NKAIN1: variants seen among roughly 807,000 people sequenced by gnomAD.
NKAIN1 encodes the protein sodium/potassium-transporting ATPase subunit beta-1-interacting protein 1.
In NKAIN1, 13 loss-of-function variants were observed where a neutral mutation model predicts 31.6. The observed-to-expected ratio is 0.41, with a 90% CI of 0.27 to 0.65. The LOEUF is 0.65. NKAIN1 is among the 30% of genes least tolerant of loss of function. NKAIN1 has a pLI of 0.30. For missense variants in NKAIN1, 193 were observed against 262.2 expected, an observed-to-expected ratio of 0.74 and a Z score of 1.82; for synonymous variants, 104 against 109.0, an observed-to-expected ratio of 0.95 and a Z score of 0.28.
intron 1 of NKAIN1, among the ~76,000 whole-genome samples, chr1:31,204,970 C>T (rs1379473918): frequency 6.6e-6 from 1 of 152,192 alleles, no homozygotes; most frequent in Middle Eastern, 3.2e-3. Context: ...AGTCTCAGCT[C>T]TCACAAGTTG....
chr1:31,189,128 C>T (rs1257620363), intron 1 of NKAIN1, among the ~76,000 whole-genome samples: 1 of 152,020 alleles, frequency 6.6e-6, no homozygotes, highest in Non-Finnish European at 1.5e-5. Context: ...GGATGAGAAG[C>T]CACGGGGAGG....
At chr1:31,224,103 G>A (rs1034476938) in intron 1 of NKAIN1, among the ~76,000 whole-genome samples, 2 of 152,168 alleles carry the variant, frequency 1.3e-5, no homozygotes, top group Non-Finnish European at 2.9e-5. Flanking sequence ...CAGTGTCCAG[G>A]ACTCTGGGGA....
chr1:31,210,598 T>G (rs960102101), intron 1 of NKAIN1, among the ~76,000 whole-genome samples: 2 of 152,208 alleles, frequency 1.3e-5, no homozygotes, highest in Non-Finnish European at 2.9e-5. Context: ...TTGCCATTAC[T>G]TTCAATGGCA....
intron 1 of NKAIN1, among the ~76,000 whole-genome samples, chr1:31,232,818 T>C (rs1444396132): frequency 1.3e-5 from 2 of 152,114 alleles, no homozygotes; most frequent in African/African-American, 4.8e-5. Flanking sequence ...CCCTTTCCCC[T>C]TGATGACTAC....
At position 31,188,084 on chromosome 1, in the gene NKAIN1, C is replaced by A; in HGVS notation, c.158G>T (p.Gly53Val). 6.4e-7 allele frequency: 1 copy of A among 1,553,632 alleles called. No homozygotes were observed. The highest frequency in any genetic ancestry group is 8.7e-7 in the Non-Finnish European group (1 of 1,148,168). ...HIMAVILGIF[G>V]TVQYRSRYLI... ...GTACCGGGAGCGGTACTGCACGGTG[C>A]CAAAGATGCCCAGGATGACTGCCAT... The change falls in exon 2 of 7, where the codon GGC (glycine) becomes GTC (valine). Residue 53 changes from glycine (G) to valine (V), a missense_variant. Physicochemically the swap from Gly to Val is moderately radical, Grantham distance 109. Coordinates refer to ENST00000373736, the MANE Select transcript of NKAIN1 (RefSeq NM_024522.3).
chr1:31,234,222 C>T (rs562596985), intron 1 of NKAIN1, among the ~76,000 whole-genome samples: 16 of 152,192 alleles, frequency 1.1e-4, no homozygotes, highest in East Asian at 3.9e-4. Flanking sequence ...CATAATTTCA[C>T]GCTCCTGACT....
Position 31,200,738 on chromosome 1 carries a change from C to T in NKAIN1, c.55-12551G>A, listed in dbSNP as rs553300381. ...TTGGCCTCTCAAGGTGTTGGGATTACAGGTGTGAGCCACTGTGCCCGGCCA... is the reference window on the plus strand; with the variant it reads ...TTGGCCTCTCAAGGTGTTGGGATTATAGGTGTGAGCCACTGTGCCCGGCCA... On this transcript the variant is annotated intron_variant, in intron 1 of 6. Coordinates refer to ENST00000373736, the MANE Select transcript of NKAIN1 (RefSeq NM_024522.3). 3.3e-5 allele frequency among the ~76,000 whole-genome samples: 5 copies of T among 152,256 alleles called. No individual in the cohort carries two copies. In the South Asian group the frequency reaches 6.2e-4, roughly 19 times the overall value.
intron 1 of NKAIN1, among the ~76,000 whole-genome samples, chr1:31,214,595 G>T (rs1055012047): frequency 6.6e-6 from 1 of 152,202 alleles, no homozygotes; most frequent in African/African-American, 2.4e-5. Context: ...GTGCACACCT[G>T]TGCAGCACAA....
chr1:31,220,479 G>A (rs1017146583), intron 1 of NKAIN1, among the ~76,000 whole-genome samples: 1 of 152,018 alleles, frequency 6.6e-6, no homozygotes, highest in Non-Finnish European at 1.5e-5. Flanking sequence ...CAGTGGCCGG[G>A]CACGGTGGCT....
chr1:31,238,705 C>A (rs914902263), intron 1 of NKAIN1, among the ~76,000 whole-genome samples: 3 of 152,124 alleles, frequency 2.0e-5, no homozygotes, highest in African/African-American at 7.2e-5. Context: ...TTGCTGGCCC[C>A]GGCAGAGGAG....
chr1:31,228,555 TG>T (rs1430577938), intron 1 of NKAIN1, among the ~76,000 whole-genome samples: 1 of 152,178 alleles, frequency 6.6e-6, no homozygotes, highest in Non-Finnish European at 1.5e-5. Context: ...CCAAGGGATC[TG>T]GGTCATCACT....
chr1:31,226,138 G>C (rs1645602094), intron 1 of NKAIN1, among the ~76,000 whole-genome samples: 1 of 152,226 alleles, frequency 6.6e-6, no homozygotes, highest in African/African-American at 2.4e-5. Flanking sequence ...CAAGGAACAG[G>C]CTGTCGCCTT....
At chr1:31,190,872 C>G (rs1253533744) in intron 1 of NKAIN1, among the ~76,000 whole-genome samples, 1 of 152,160 alleles carries the variant, frequency 6.6e-6, no homozygotes, top group African/African-American at 2.4e-5. Flanking sequence ...TTCTGGGGTC[C>G]AGCTTGATGT....
Position 31,185,703 on chromosome 1 carries a change from G to C in NKAIN1, c.193-376C>G, listed in dbSNP as rs372897434. On this transcript the variant is annotated intron_variant, in intron 2 of 6. Transcript: ENST00000373736. ...TAGAATACTGGAATCATTCAAGGAT[G>C]TTTGTCAAAAATGCAGATTCTTGGG... 2.0e-5 allele frequency among the ~76,000 whole-genome samples: 3 copies of C among 152,168 alleles called. No homozygotes were observed. The East Asian group carries it at 5.8e-4, about 29-fold the overall frequency.
rs58351687 is a variant in NKAIN1, at chr1:31,194,228, A to G, written c.55-6041T>C. Among the ~76,000 whole-genome samples, 798 of 152,192 alleles carry G rather than the reference A, an allele frequency of 5.2e-3. 9 individuals carry two copies. The highest frequency in any genetic ancestry group is 0.018 in the African/African-American group (760 of 41,520). Reference sequence around the variant, plus strand: ...TAATCCCAGAGTGACAGATGAGAACATGTCACCCAGGCCTCACATCTCTGT... The same window carrying G: ...TAATCCCAGAGTGACAGATGAGAACGTGTCACCCAGGCCTCACATCTCTGT... On this transcript the variant is annotated intron_variant, in intron 1 of 6. Transcript: ENST00000373736.
rs1645185557 is a variant in NKAIN1 at position 31,180,062 on chromosome 1, C to G, written c.*1641G>C. The G allele has an allele frequency of 6.6e-6, 1 of 152,514 alleles. No homozygotes were observed. The highest frequency in any genetic ancestry group is 1.9e-4 in the East Asian group (1 of 5,190). 9.4% of individuals were successfully genotyped at this position (152,514 alleles called of 1,614,324 possible). A position where few individuals can be genotyped will look rare whatever the true frequency, so the allele number is the denominator to read the frequency against. On this transcript the variant is annotated 3_prime_UTR_variant, in exon 7 of 7. Coordinates refer to ENST00000373736, the MANE Select transcript of NKAIN1 (RefSeq NM_024522.3). Reference sequence around the variant, plus strand: ...ATGCCTGTGGGGGCCAGAGGAACTCCTGGGCCTGGCTGCTTGCATTTGGGA... The same window carrying G: ...ATGCCTGTGGGGGCCAGAGGAACTCGTGGGCCTGGCTGCTTGCATTTGGGA...
chr1:31,187,444 C>T (rs1645252122), intron 2 of NKAIN1, among the ~76,000 whole-genome samples: 1 of 152,070 alleles, frequency 6.6e-6, no homozygotes, highest in African/African-American at 2.4e-5. Flanking sequence ...GACCTCAAAG[C>T]CACACTAGCT....
At chr1:31,204,392 G>T (rs190407277) in intron 1 of NKAIN1, among the ~76,000 whole-genome samples, 117 of 152,210 alleles carry the variant, frequency 7.7e-4, no homozygotes, top group African/African-American at 2.6e-3. Context: ...CCATGCCTGA[G>T]GTCCCACTCT....
chr1:31,217,446 G>A (rs762963560), intron 1 of NKAIN1, among the ~76,000 whole-genome samples: 3 of 152,288 alleles, frequency 2.0e-5, no homozygotes, highest in Non-Finnish European at 4.4e-5. Flanking sequence ...GATTACTGGT[G>A]TGAGCCACCA....
Sources: gnomAD v4.1 joint callset for allele counts (sites outside exome capture counted in the v4.1 genomes callset) on GRCh38, gnomAD v4.1.1 for gene constraint, MANE v1.5 for transcripts, NCBI Gene and HGNC (gene_info 2026-07-23, HGNC 2026-07-21) for gene names.